ZSCAN25: variants seen among roughly 807,000 people sequenced by gnomAD.
The protein encoded by ZSCAN25 is zinc finger and SCAN domain containing 25, also known as zinc finger and SCAN domain-containing protein 25.
Under a neutral mutation model 38.7 loss-of-function variants are expected in ZSCAN25, and 27 were observed. The ratio of observed to expected loss-of-function variants is 0.70; its 90% CI spans 0.51 to 0.96. The LOEUF is 0.96. Ranked by LOEUF, ZSCAN25 falls within the 40% of genes least tolerant of loss-of-function variation. The pLI is 0.00. For missense variants in ZSCAN25, 637 were observed against 705.9 expected (o/e 0.90, Z 1.11); for synonymous variants, 273 against 277.7 (o/e 0.98, Z 0.17).
the ZSCAN25 span, among the ~76,000 whole-genome samples, chr7:99,700,224 CT>C: frequency 6.6e-6 from 1 of 152,204 alleles, no homozygotes; most frequent in Non-Finnish European, 1.5e-5. Flanking sequence ...GCACACACCC[CT>C]TTGCTTACCT....
At chr7:99,719,109 T>C in the ZSCAN25 span, among the ~76,000 whole-genome samples, 2 of 152,218 alleles carry the variant, frequency 1.3e-5, no homozygotes, top group Non-Finnish European at 2.9e-5. Flanking sequence ...TCAATTCTTG[T>C]TAAAATAACA....
chr7:99,702,903 GTCT>G, the ZSCAN25 span, among the ~76,000 whole-genome samples: 3 of 152,066 alleles, frequency 2.0e-5, no homozygotes, highest in African/African-American at 4.8e-5. Context: ...CTGTTTTTGT[GTCT>G]TCTTCAATTT....
chr7:99,712,638 T>C, the ZSCAN25 span, among the ~76,000 whole-genome samples: 1 of 152,140 alleles, frequency 6.6e-6, no homozygotes, highest in Non-Finnish European at 1.5e-5. Flanking sequence ...AAATAGATGA[T>C]TGATGGACAG....
the ZSCAN25 span, among the ~76,000 whole-genome samples, chr7:99,731,912 GAC>G: frequency 6.6e-6 from 1 of 152,296 alleles, no homozygotes; most frequent in East Asian, 1.9e-4. Context: ...TTTCCTGAAT[GAC>G]ACTGTGCAGA....
the ZSCAN25 span, among the ~76,000 whole-genome samples, chr7:99,712,773 C>A: frequency 6.6e-6 from 1 of 152,142 alleles, no homozygotes; most frequent in African/African-American, 2.4e-5. Context: ...AATTTTGTGA[C>A]ATGATTGCCA....
At chr7:99,618,160 C>G (rs1261509651) in intron 1 of ZSCAN25, 1 of 152,270 alleles carries the variant, frequency 6.6e-6, no homozygotes, top group Non-Finnish European at 1.5e-5. Flanking sequence ...GTGCTTTGGA[C>G]TTCCAAGTCT....
chr7:99,735,172 G>T, the ZSCAN25 span: 1 of 1,568,382 alleles, frequency 6.4e-7, no homozygotes, highest in African/African-American at 1.4e-5. Flanking sequence ...TGTGTGTGTG[G>T]AGCTTTCCTG....
chr7:99,640,908 C>T, the ZSCAN25 span, among the ~76,000 whole-genome samples: 1 of 152,112 alleles, frequency 6.6e-6, no homozygotes, highest in Admixed American at 6.6e-5. Flanking sequence ...GTTTGGCTTT[C>T]AGGAAGAGCA....
At chr7:99,676,230 A>G in the ZSCAN25 span, 1 of 1,612,922 alleles carries the variant, frequency 6.2e-7, no homozygotes, top group Non-Finnish European at 8.5e-7. Flanking sequence ...AACAGAAATC[A>G]GGTCACAGGG....
rs746704278 is a variant in ZSCAN25 at position 99,629,594 on chromosome 7, C to T, written c.1209C>T (p.Tyr403=). ...GAACCCACCTGGGAAAGAGGCCCTA[C>T]GTGTGCAGCGAGTGCTGGAAAACCT... ...HQRTHLGKRP[Y]VCSECWKTFS... is the part of the protein sequence containing the mutation. Residue 403 remains tyrosine (Y), a synonymous_variant, in exon 8 of 8, where the codon TAC becomes TAT. Coordinates refer to ENST00000394152, the MANE Select transcript of ZSCAN25 (RefSeq NM_145115.3). The surrounding 1 kb of genome is among the most constrained non-coding windows in gnomAD (Gnocchi z 5.6). 1.1e-5 allele frequency: 18 copies of T among 1,614,048 alleles called. No individual in the cohort carries two copies. Among genetic ancestry groups the T allele is most frequent in the South Asian group, 4.4e-5 (4 of 91,088 alleles).
chr7:99,649,343 G>A, the ZSCAN25 span, among the ~76,000 whole-genome samples: 25 of 152,236 alleles, frequency 1.6e-4, no homozygotes, highest in Non-Finnish European at 2.6e-4. Flanking sequence ...TAAATACACC[G>A]GTCCTGGAAA....
At chr7:99,683,953 T>G in the ZSCAN25 span, among the ~76,000 whole-genome samples, 1 of 152,184 alleles carries the variant, frequency 6.6e-6, no homozygotes, top group Non-Finnish European at 1.5e-5. Flanking sequence ...TTTAGCCTGT[T>G]GCCCAATCAA....
chr7:99,726,441 C>T, the ZSCAN25 span, among the ~76,000 whole-genome samples: 4 of 152,182 alleles, frequency 2.6e-5, no homozygotes, highest in Non-Finnish European at 4.4e-5. Flanking sequence ...TCCTATCCAC[C>T]CTGTGGTGCC....
At chr7:99,705,549 G>T in the ZSCAN25 span, 1 of 1,613,534 alleles carries the variant, frequency 6.2e-7, no homozygotes. Flanking sequence ...TAGAACAATG[G>T]GTTTTTCTGT....
intron 7 of ZSCAN25, 149 bp downstream of exon 7, chr7:99,624,329 G>T: frequency 1.1e-6 from 1 of 885,012 alleles, no homozygotes; most frequent in East Asian, 2.6e-5. Flanking sequence ...GGGGCACGAG[G>T]AGCTGCTTTC....
chr7:99,623,198 G>A (rs1345129048), intron 6 of ZSCAN25, among the ~76,000 whole-genome samples: 1 of 152,152 alleles, frequency 6.6e-6, no homozygotes, highest in Non-Finnish European at 1.5e-5. Flanking sequence ...TGTGGGTGCC[G>A]TTTATGGGTA....
the ZSCAN25 span, chr7:99,713,563 A>G: frequency 6.2e-7 from 1 of 1,612,890 alleles, no homozygotes; most frequent in Admixed American, 1.7e-5. Context: ...AATTTTATTG[A>G]CAGAAAGTGA....
At chr7:99,671,860 T>C in the ZSCAN25 span, 12 of 702,838 alleles carry the variant, frequency 1.7e-5, no homozygotes, top group Non-Finnish European at 2.6e-6. Context: ...ATCTTGATGG[T>C]GCTGGTCGTT....
rs773478680 is a variant in ZSCAN25, at chr7:99,629,833, AGAAGCC to A, written c.1449_1454del (p.Lys484_Pro485del). ...GTGCACCGGCGTGCCCACACTGGCG[AGAAGCC>A]ATATGGGTGCCAGGTGTGCGGGAAG... On this transcript the variant is annotated inframe_deletion, in exon 8 of 8. Coordinates refer to ENST00000394152, the MANE Select transcript of ZSCAN25 (RefSeq NM_145115.3). The surrounding 1 kb of genome is among the most constrained non-coding windows in gnomAD (Gnocchi z 5.6). The A allele has an allele frequency of 6.2e-7, 1 of 1,614,238 alleles. No homozygotes were observed. Among genetic ancestry groups the A allele is most frequent in the South Asian group, 1.1e-5 (1 of 91,084 alleles).
Sources: allele counts gnomAD v4.1 joint callset (sites outside exome capture counted in the v4.1 genomes callset), GRCh38; gene constraint gnomAD v4.1.1; non-coding constraint Gnocchi (gnomAD v3.1); transcripts MANE v1.5; gene names NCBI Gene and HGNC (gene_info 2026-07-23, HGNC 2026-07-21).